Variants in CEP128 observed in about 807,000 individuals in gnomAD.
CEP128 encodes the protein centrosomal protein 128, also known as centrosomal protein 128kDa.
CEP128 carries 132 observed loss-of-function variants against 156.7 expected under a neutral mutation model. The observed-to-expected ratio is 0.84, with a 90% CI of 0.73 to 0.97. The LOEUF (loss-of-function observed/expected upper bound fraction) is 0.97, where lower values mean the gene tolerates loss of function less well. CEP128 is among the 50% of genes least tolerant of loss of function. The pLI is 0.00. For missense variants in CEP128, 1,252 were observed against 1,281.9 expected, an observed-to-expected ratio of 0.98 and a Z score of 0.36; for synonymous variants, 469 against 448.9, an observed-to-expected ratio of 1.04 and a Z score of -0.57.
rs140897574 is a variant in CEP128, at chr14:80,842,659, C to T, written c.763-1891G>A. On this transcript the variant is annotated intron_variant, in intron 9 of 24. Coordinates refer to ENST00000555265, the MANE Select transcript of CEP128 (RefSeq NM_152446.5). ...CTTTTTTTAAGGGTGTAAGCCTGCA[C>T]TGGATTTCTTTTCCATTTGACTTAA... is the stretch of plus-strand genomic sequence containing the variant. Among the ~76,000 whole-genome samples the T allele has an allele frequency of 2.4e-4, 36 of 151,946 alleles. No homozygotes were observed. In the East Asian group the frequency reaches 6.0e-3, roughly 25 times the overall value.
At chr14:80,650,237 G>C (rs572819043) in intron 19 of CEP128, among the ~76,000 whole-genome samples, 6 of 152,234 alleles carry the variant, frequency 3.9e-5, no homozygotes, top group South Asian at 4.1e-4. Context: ...TGGTGTATAG[G>C]AATGCTTGTG....
chr14:80,696,728 C>T (rs962517018), intron 19 of CEP128, among the ~76,000 whole-genome samples: 4 of 152,024 alleles, frequency 2.6e-5, no homozygotes, highest in East Asian at 1.9e-4. Flanking sequence ...TAAAATGACA[C>T]GTCAGATTTC....
intron 8 of CEP128, among the ~76,000 whole-genome samples, chr14:80,881,905 T>G (rs1196046326): frequency 1.3e-5 from 2 of 152,106 alleles, no homozygotes; most frequent in African/African-American, 4.8e-5. Flanking sequence ...ACAGCAACTA[T>G]CATCCCAAAT....
chr14:80,566,038 C>T (rs976250220), intron 20 of CEP128, among the ~76,000 whole-genome samples: 3 of 152,110 alleles, frequency 2.0e-5, no homozygotes, highest in Non-Finnish European at 4.4e-5. Context: ...ATAATTCTGG[C>T]AACTTCTCTG....
At chr14:80,733,968 G>T (rs1555396406) in intron 19 of CEP128, among the ~76,000 whole-genome samples, 1 of 152,172 alleles carries the variant, frequency 6.6e-6, no homozygotes, top group South Asian at 2.1e-4. Flanking sequence ...ATTTTTGTTT[G>T]CCCTTTAGTT....
chr14:80,775,606 C>T (rs1405113450), intron 16 of CEP128, among the ~76,000 whole-genome samples: 1 of 152,156 alleles, frequency 6.6e-6, no homozygotes, highest in African/African-American at 2.4e-5. Flanking sequence ...TTTTAAAAAT[C>T]CCACTATGTG....
At chr14:80,729,373 A>T (rs1271959687) in intron 19 of CEP128, among the ~76,000 whole-genome samples, 1 of 115,962 alleles carries the variant, frequency 8.6e-6, no homozygotes, top group African/African-American at 3.4e-5. Context: ...GTAGTATTCT[A>T]TGGTATACAT....
chr14:80,765,590 G>A (rs1006804354), intron 16 of CEP128, among the ~76,000 whole-genome samples: 8 of 152,170 alleles, frequency 5.3e-5, no homozygotes, highest in African/African-American at 1.9e-4. Context: ...TAACTTCAAT[G>A]TTTCAGGGTG....
rs575255910 is a variant in CEP128 at position 80,715,928 on chromosome 14, C to T, written c.2806+27147G>A. ...AAGAAATTGTGAAATGAGTGTTAAC[C>T]ACTTTTTCATTAGCATTAATATCTT... On this transcript the variant is annotated intron_variant, in intron 19 of 24. Coordinates refer to ENST00000555265, the MANE Select transcript of CEP128 (RefSeq NM_152446.5). Among the ~76,000 whole-genome samples the T allele has an allele frequency of 2.0e-4, 30 of 152,220 alleles. 1 individual carries two copies. In the South Asian group the frequency reaches 6.0e-3, roughly 31 times the overall value.
chr14:80,944,822 C>CAAAAAAAAAA (rs55662141), upstream of CEP128, among the ~76,000 whole-genome samples: 45 of 34,652 alleles, frequency 1.3e-3, 1 homozygote, highest in Non-Finnish European at 2.1e-3. Flanking sequence ...GAGTCTGTCT[C>CAAAAAAAAAA]AAAAAAAAAA....
chr14:80,853,559 G>C (rs941975236), intron 9 of CEP128, among the ~76,000 whole-genome samples: 9 of 151,306 alleles, frequency 5.9e-5, no homozygotes, highest in Non-Finnish European at 1.3e-4. Flanking sequence ...AAACCATAAG[G>C]TACCTAAAAA....
intron 13 of CEP128, among the ~76,000 whole-genome samples, chr14:80,804,923 A>G (rs1339733743): frequency 6.6e-6 from 1 of 152,172 alleles, no homozygotes; most frequent in Non-Finnish European, 1.5e-5. Context: ...TTGGGTGCCA[A>G]CTATGGACAC....
At chr14:80,746,325 T>C (rs1239766579) in intron 18 of CEP128, among the ~76,000 whole-genome samples, 2 of 152,202 alleles carry the variant, frequency 1.3e-5, no homozygotes, top group Non-Finnish European at 2.9e-5. Flanking sequence ...TTCATACTTA[T>C]CCATTCCAAA....
At chr14:80,621,390 A>T (rs1893473135) in intron 19 of CEP128, among the ~76,000 whole-genome samples, 1 of 152,162 alleles carries the variant, frequency 6.6e-6, no homozygotes, top group Non-Finnish European at 1.5e-5. Flanking sequence ...TTTGTCTAAG[A>T]TTCTTTGATT....
chr14:80,825,180 G>A (rs941684016), intron 13 of CEP128, among the ~76,000 whole-genome samples: 5 of 152,196 alleles, frequency 3.3e-5, no homozygotes, highest in Admixed American at 6.5e-5. Context: ...CCACAACGGT[G>A]GGGATTCAAG....
chr14:80,702,979 T>C (rs1276692550), intron 19 of CEP128, among the ~76,000 whole-genome samples: 4 of 152,166 alleles, frequency 2.6e-5, no homozygotes, highest in African/African-American at 9.6e-5. Flanking sequence ...AGATTATGTA[T>C]GTATGTATGT....
chr14:80,555,479 C>G (rs1301100215), intron 21 of CEP128, among the ~76,000 whole-genome samples: 2 of 152,016 alleles, frequency 1.3e-5, no homozygotes, highest in East Asian at 1.9e-4. Context: ...CTCTGTAGTG[C>G]CTATATATGT....
intron 9 of CEP128, among the ~76,000 whole-genome samples, chr14:80,852,504 AAG>A (rs1886942261): frequency 6.6e-6 from 1 of 151,882 alleles, no homozygotes; most frequent in Admixed American, 6.6e-5. Context: ...AATGAAGAGA[AAG>A]AGAGAGTAAC....
At chr14:80,510,067 G>C (rs914880317) in intron 23 of CEP128, among the ~76,000 whole-genome samples, 8 of 152,074 alleles carry the variant, frequency 5.3e-5, no homozygotes, top group Admixed American at 1.3e-4. Flanking sequence ...GATTCCTCCA[G>C]CTTGGTTCTT....
Sources: allele counts gnomAD v4.1 joint callset (sites outside exome capture counted in the v4.1 genomes callset), GRCh38; gene constraint gnomAD v4.1.1; transcripts MANE v1.5; gene names NCBI Gene and HGNC (gene_info 2026-07-23, HGNC 2026-07-21).